Variants in UBR4 observed in about 807,000 individuals in gnomAD.
The protein encoded by UBR4 is E3 ubiquitin-protein ligase UBR4.
A neutral mutation model predicts 575.6 loss-of-function variants in UBR4; 124 were observed. The ratio of observed to expected loss-of-function variants is 0.22; its 90% CI spans 0.19 to 0.25. UBR4 has a LOEUF of 0.25. UBR4 is among the 10% of genes least tolerant of loss of function. The probability of loss-of-function intolerance (pLI) is 1.00; values close to 1 mark genes in which losing one functional copy is unlikely to be tolerated. For synonymous variants in UBR4, 2,455 were observed against 2,473.7 expected, an observed-to-expected ratio of 0.99 and a Z score of 0.22; for missense variants, 4,818 against 6,478.8, an observed-to-expected ratio of 0.74 and a Z score of 8.80.
intron 55 of UBR4, among the ~76,000 whole-genome samples, chr1:19,143,255 G>GAAAGAAAGA (rs2084273755): frequency 9.8e-6 from 1 of 102,276 alleles, no homozygotes; most frequent in African/African-American, 3.9e-5. Context: ...AGGAAGGAAG[G>GAAAGAAAGA]AAGGAAGAAA....
At chr1:19,105,898 G>A (rs2079137842) in intron 83 of UBR4, 56 bp from the exon 84 acceptor site, 1 of 1,379,612 alleles carries the variant, frequency 7.2e-7, no homozygotes, top group Admixed American at 3.0e-5. Flanking sequence ...TGCCTCACCA[G>A]GCCCCCAGCA....
chr1:19,124,593 G>C lies in UBR4; in HGVS notation c.9536C>G (p.Ser3179Cys). The change falls in exon 65 of 106, where the codon TCT becomes TGT. Residue 3179 changes from serine (S) to cysteine (C), a missense_variant. Ser to Cys is a moderately radical substitution (Grantham distance 112, BLOSUM62 -1). This residue lies in a region of UBR4 where 550 missense variants were observed against 791.5 expected (regional missense o/e 0.69). Coordinates refer to ENST00000375254, the MANE Select transcript of UBR4 (RefSeq NM_020765.3). ...YQIKKITDTNSRIPPPVFDHS... is the reference protein window; with the variant it reads ...YQIKKITDTNCRIPPPVFDHS... ...GTCAAAGACAGGAGGTGGGATTCGA[G>C]AATTGGTGTCAGTAATCTTTTTGAT... is the stretch of plus-strand genomic sequence containing the variant. 6.2e-7 allele frequency: 1 copy of C among 1,614,222 alleles called. No homozygotes were observed. Among genetic ancestry groups the C allele is most frequent in the Middle Eastern group, 1.6e-4 (1 of 6,062 alleles).
chr1:19,100,664 C>T lies in UBR4; in HGVS notation c.13024-91G>A. On this transcript the variant is annotated intron_variant, in intron 88 of 105. Coordinates refer to ENST00000375254, the MANE Select transcript of UBR4 (RefSeq NM_020765.3). The surrounding 1 kb of genome is among the most constrained non-coding windows in gnomAD (Gnocchi z 4.2). ...TTGTTCCATGGACACTCGAGGAAAA[C>T]ACACCAAACTCAGCAAGCCCCCCAA... 1.6e-6 allele frequency: 2 copies of T among 1,259,864 alleles called. No homozygotes were observed. Among genetic ancestry groups the T allele is most frequent in the East Asian group, 2.4e-5 (1 of 42,306 alleles). 78.0% of individuals were successfully genotyped at this position (1,259,864 alleles called of 1,614,324 possible).
At position 19,179,130 on chromosome 1, in the gene UBR4, G is replaced by A. The variant is rs1013685263; in HGVS notation, c.2275C>T (p.Arg759Cys). ...TTATGTTGCCAGATGAGCAGGAGGC[G>A]TGAAAGCACAGAGAGGCTTTGAGGG... ...IHPQSLSVLS[R>C]LLLIWQHKAS... is the part of the protein sequence containing the mutation. Residue 759 changes from arginine to cysteine, a missense_variant, in exon 18 of 106, where the codon CGC (arginine) becomes TGC (cysteine). By Grantham distance (180) the Arg-to-Cys change is radical. Transcript: ENST00000375254. 6.2e-6 allele frequency: 10 copies of A among 1,613,748 alleles called. No individual in the cohort carries two copies. The East Asian group carries it at 1.1e-4, about 18-fold the overall frequency.
chr1:19,166,656 T>C (rs1480599649), intron 29 of UBR4, among the ~76,000 whole-genome samples: 1 of 130,180 alleles, frequency 7.7e-6, no homozygotes, highest in Non-Finnish European at 1.6e-5. Context: ...GATGGGAGGA[T>C]CACTTGAGCT....
chr1:19,075,143 G>A (rs968543803), intron 105 of UBR4: 1 of 537,982 alleles, frequency 1.9e-6, no homozygotes, highest in African/African-American at 1.9e-5. Context: ...AATAGGGTGT[G>A]TCTGATGTTC....
Position 19,100,247 on chromosome 1 carries a change from A to T in UBR4, c.13221+129T>A. ...AGGTGGGAATCATTAACCCCAACTT[A>T]CAGAGTGGAGAAACTGAAGGCCACC... On this transcript the variant is annotated intron_variant, in intron 89 of 105. Transcript: ENST00000375254. This position sits in a 1 kb window ranked among gnomAD's most constrained non-coding sequence, Gnocchi z 4.2. The T allele has an allele frequency of 2.1e-6, 2 of 940,142 alleles. No individual in the cohort carries two copies. The highest frequency in any genetic ancestry group is 1.5e-5 in the South Asian group (1 of 64,598). 58.2% of individuals were successfully genotyped at this position (940,142 alleles called of 1,614,324 possible).
chr1:19,131,747 C>T (rs1252282765), intron 60 of UBR4, among the ~76,000 whole-genome samples: 1 of 152,200 alleles, frequency 6.6e-6, no homozygotes, highest in African/African-American at 2.4e-5. Flanking sequence ...GTCACGCATG[C>T]CTGTAATCCT....
intron 28 of UBR4, among the ~76,000 whole-genome samples, 181 bp from the exon 29 acceptor site, chr1:19,167,412 T>A (rs1219906164): frequency 6.6e-6 from 1 of 152,268 alleles, no homozygotes; most frequent in Non-Finnish European, 1.5e-5. Context: ...TACAATTTCA[T>A]ATTCTTCTTT....
intron 24 of UBR4, 29 bp downstream of exon 24, chr1:19,173,152 T>C: frequency 6.2e-7 from 1 of 1,613,978 alleles, no homozygotes; most frequent in Middle Eastern, 1.6e-4. Flanking sequence ...GAAACCAAGT[T>C]CTATCATTTA....
chr1:19,074,773 G>A lies in UBR4; in HGVS notation c.*59C>T, dbSNP rs557560335. On this transcript the variant is annotated 3_prime_UTR_variant, in exon 106 of 106. Coordinates refer to ENST00000375254, the MANE Select transcript of UBR4 (RefSeq NM_020765.3). ...AGGGAACTTAATGCACAAGGAGGGAGAACAGAGGGTGGAAGGCAAGCCAGC... is the reference window on the plus strand; with the variant it reads ...AGGGAACTTAATGCACAAGGAGGGAAAACAGAGGGTGGAAGGCAAGCCAGC... 7.2e-5 allele frequency: 114 copies of A among 1,580,224 alleles called. No individual in the cohort carries two copies. Among genetic ancestry groups the A allele is most frequent in the Non-Finnish European group, 9.4e-5 (109 of 1,153,566 alleles).
chr1:19,093,868 G>A lies in UBR4; in HGVS notation c.13937+81C>T, dbSNP rs1287264859. On this transcript the variant is annotated intron_variant, in intron 95 of 105. Coordinates refer to ENST00000375254, the MANE Select transcript of UBR4 (RefSeq NM_020765.3). The surrounding 1 kb of genome is among the most constrained non-coding windows in gnomAD (Gnocchi z 4.8). ...CACAAAAATCTAATAGGTATTCAGAGGATTCTTCCTCATCTCACAGACCTA... is the reference window on the plus strand; with the variant it reads ...CACAAAAATCTAATAGGTATTCAGAAGATTCTTCCTCATCTCACAGACCTA... 4 of 1,467,556 alleles carry A rather than the reference G, an allele frequency of 2.7e-6. No individual in the cohort carries two copies. The highest frequency in any genetic ancestry group is 2.3e-5 in the East Asian group (1 of 42,838). The allele number at this position is 1,467,556 out of a possible 1,614,324, so 90.9% of individuals were successfully genotyped here.
chr1:19,158,201 A>T (rs781269293), intron 39 of UBR4, among the ~76,000 whole-genome samples: 12 of 152,208 alleles, frequency 7.9e-5, no homozygotes, highest in Non-Finnish European at 1.6e-4. Flanking sequence ...GTTTTCATAA[A>T]GCTAAACTTA....
Position 19,100,029 on chromosome 1 carries a change from CA to C in UBR4, c.13221+346del, listed in dbSNP as rs2078459801. The stretch of plus-strand genomic sequence containing the variant: ...ACTGACACGGGGACATAAACCTGCA[CA>C]GGGGGTAAAACGCCAATATTTAGGG... On this transcript the variant is annotated intron_variant, in intron 89 of 105. Transcript: ENST00000375254. The surrounding 1 kb of genome is among the most constrained non-coding windows in gnomAD (Gnocchi z 4.2). The C allele has an allele frequency of 2.3e-6, 1 of 433,064 alleles. No individual in the cohort carries two copies. The highest frequency in any genetic ancestry group is 4.1e-6 in the Non-Finnish European group (1 of 242,420). The allele number at this position is 433,064 out of a possible 1,614,324, so 26.8% of individuals were successfully genotyped here. A position where few individuals can be genotyped will look rare whatever the true frequency, so the allele number is the denominator to read the frequency against.
In UBR4 at chr1:19,127,717, C is replaced by A. The variant is rs568050379; in HGVS notation, c.9134G>T (p.Arg3045Leu). Residue 3045 changes from arginine to leucine, a missense_variant, in exon 63 of 106, where the codon CGC becomes CTC. Transcript: ENST00000375254. ...DKKDVSKKNE[R>L]SALNEVHLVV... Reference sequence around the variant, plus strand: ...CAGATGGACTTCATTCAGGGCGCTGCGCTCATTCTTCTTGGAGACATCCTG... The same window carrying A: ...CAGATGGACTTCATTCAGGGCGCTGAGCTCATTCTTCTTGGAGACATCCTG... 1 of 1,614,096 alleles carries A rather than the reference C, an allele frequency of 6.2e-7. No individual in the cohort carries two copies. The highest frequency in any genetic ancestry group is 8.5e-7 in the Non-Finnish European group (1 of 1,179,968).
chr1:19,114,713 G>A, intron 75 of UBR4, 98 bp downstream of exon 75: 1 of 1,489,954 alleles, frequency 6.7e-7, no homozygotes. Flanking sequence ...AGTCGAAGAA[G>A]GCTTAGGCTA....
chr1:19,082,091 T>C, intron 102 of UBR4: 1 of 359,624 alleles, frequency 2.8e-6, no homozygotes, highest in Non-Finnish European at 5.0e-6. Flanking sequence ...GTGGTTCCTT[T>C]CCTAGGCTCC....
intron 93 of UBR4, 99 bp downstream of exon 93, chr1:19,095,446 A>C: frequency 8.8e-7 from 1 of 1,137,436 alleles, no homozygotes; most frequent in Non-Finnish European, 1.3e-6. Flanking sequence ...GGGCTTGAAG[A>C]AGCCGTGAGT....
At chr1:19,150,933 T>G (rs1471477441) in intron 48 of UBR4, 140 bp from the exon 49 acceptor site, 4 of 848,500 alleles carry the variant, frequency 4.7e-6, no homozygotes, top group East Asian at 2.5e-5. Flanking sequence ...TCTGAGATAT[T>G]TGCAGCACTT....
Sources: allele counts gnomAD v4.1 joint callset (sites outside exome capture counted in the v4.1 genomes callset), GRCh38; gene constraint gnomAD v4.1.1; regional missense constraint gnomAD v4.1.1; non-coding constraint Gnocchi (gnomAD v3.1); transcripts MANE v1.5; gene names NCBI Gene and HGNC (gene_info 2026-07-23, HGNC 2026-07-21).